NRXN1: variants seen among roughly 807,000 people sequenced by gnomAD.
NRXN1 encodes neurexin-1.
Under a neutral mutation model 150.9 loss-of-function variants are expected in NRXN1, and 39 were observed. The ratio of observed to expected loss-of-function variants is 0.26; its 90% CI spans 0.20 to 0.34. The LOEUF is 0.34. NRXN1 is among the 10% of genes least tolerant of loss of function. NRXN1 has a pLI of 1.00. For synonymous variants in NRXN1, 924 were observed against 757.0 expected (o/e 1.22, Z -3.62); for missense variants, 1,815 against 1,949.9 (o/e 0.93, Z 1.30).
At chr2:51,019,216 C>T (rs1043991892) in intron 2 of NRXN1, among the ~76,000 whole-genome samples, 7 of 152,100 alleles carry the variant, frequency 4.6e-5, no homozygotes, top group South Asian at 2.1e-4. Flanking sequence ...CAAATCCCAG[C>T]TCTGCCATTT....
In NRXN1 at chr2:50,282,199, C is replaced by T. The variant is rs570233009; in HGVS notation, c.3365-45229G>A. ...TAGGTAGAGCCTGTATCATAAAGAG[C>T]TTTATATGCCATGCTAAGGATTTTG... On this transcript the variant is annotated intron_variant, in intron 17 of 22. Coordinates refer to ENST00000401669, the MANE Select transcript of NRXN1 (RefSeq NM_001330078.2). Among the ~76,000 whole-genome samples the T allele has an allele frequency of 5.9e-5, 9 of 152,194 alleles. No homozygotes were observed. In the East Asian group the frequency reaches 1.7e-3, roughly 29 times the overall value.
At chr2:50,922,566 A>G (rs2104290115) in intron 4 of NRXN1, 92 bp downstream of exon 4, 9 of 1,192,368 alleles carry the variant, frequency 7.5e-6, no homozygotes, top group Admixed American at 3.8e-5. Flanking sequence ...ATAATTTGCA[A>G]GCATTTGCCC....
intron 2 of NRXN1, among the ~76,000 whole-genome samples, chr2:51,003,634 C>A (rs947399525): frequency 6.6e-6 from 1 of 151,884 alleles, no homozygotes; most frequent in Non-Finnish European, 1.5e-5. Context: ...AAACTAGATG[C>A]ACTACATGTA....
chr2:50,501,400 A>AGTGT (rs368765670), intron 13 of NRXN1, among the ~76,000 whole-genome samples: 21,667 of 147,960 alleles, frequency 0.15, 2,187 homozygotes, highest in East Asian at 0.32. Flanking sequence ...TGTGTGTGTG[A>AGTGT]GTGTGTGTGT....
intron 18 of NRXN1, among the ~76,000 whole-genome samples, chr2:50,107,213 C>T (rs1047850185): frequency 2.0e-5 from 3 of 149,500 alleles, no homozygotes; most frequent in South Asian, 2.1e-4. Flanking sequence ...TTACTTTTAA[C>T]CCAACTTAAT....
At chr2:51,030,967 G>A (rs957972550) in intron 1 of NRXN1, among the ~76,000 whole-genome samples, 75 of 149,108 alleles carry the variant, frequency 5.0e-4, no homozygotes, top group African/African-American at 1.7e-3. Context: ...TTTTTCTCCC[G>A]TCCCTCCTGC....
At chr2:50,558,183 T>G (rs1025890357) in intron 8 of NRXN1, among the ~76,000 whole-genome samples, 2 of 152,198 alleles carry the variant, frequency 1.3e-5, no homozygotes, top group African/African-American at 4.8e-5. Flanking sequence ...ATAGGTATAA[T>G]TATTTCCTAT....
At chr2:50,861,958 T>G (rs1233120423) in intron 5 of NRXN1, among the ~76,000 whole-genome samples, 1 of 151,982 alleles carries the variant, frequency 6.6e-6, no homozygotes, top group Non-Finnish European at 1.5e-5. Context: ...TCCCAGCAAT[T>G]TGGGAGGCTG....
At chr2:50,341,101 G>A (rs909603829) in intron 17 of NRXN1, among the ~76,000 whole-genome samples, 9 of 152,178 alleles carry the variant, frequency 5.9e-5, no homozygotes, top group African/African-American at 1.7e-4. Context: ...TATTCCATAG[G>A]AGGAGGAAGA....
intron 17 of NRXN1, among the ~76,000 whole-genome samples, chr2:50,249,533 A>C (rs2152896314): frequency 6.6e-6 from 1 of 152,288 alleles, no homozygotes. Context: ...ACTATGTATA[A>C]AGCACCATGC....
intron 2 of NRXN1, among the ~76,000 whole-genome samples, chr2:50,972,374 A>G (rs1036385990): frequency 6.6e-6 from 1 of 152,074 alleles, no homozygotes; most frequent in Admixed American, 6.6e-5. Flanking sequence ...TCTATATGCC[A>G]CTTTGTGGGA....
chr2:50,870,616 C>A lies in NRXN1; in HGVS notation c.832+51253G>T, dbSNP rs1034691228. On this transcript the variant is annotated intron_variant, in intron 5 of 22. Coordinates refer to ENST00000401669, the MANE Select transcript of NRXN1 (RefSeq NM_001330078.2). Reference sequence around the variant, plus strand: ...CAGAAATTACTTTCCTATCACCACACTTTTGAGCTTGTAACCCATGTGTTG... The same window carrying A: ...CAGAAATTACTTTCCTATCACCACAATTTTGAGCTTGTAACCCATGTGTTG... 7.9e-5 allele frequency among the ~76,000 whole-genome samples: 12 copies of A among 152,070 alleles called. No homozygotes were observed. In the East Asian group the frequency reaches 2.1e-3, roughly 27 times the overall value.
chr2:50,242,128 T>C (rs887133178), intron 17 of NRXN1, among the ~76,000 whole-genome samples: 2 of 151,800 alleles, frequency 1.3e-5, no homozygotes, highest in African/African-American at 2.4e-5. Flanking sequence ...AATATAACAC[T>C]TCCTTCAGTG....
chr2:50,102,377 C>T (rs891644403), intron 18 of NRXN1, among the ~76,000 whole-genome samples: 9 of 151,932 alleles, frequency 5.9e-5, no homozygotes, highest in African/African-American at 2.2e-4. Context: ...ATTTATTTTC[C>T]TCAATTGCAT....
Position 51,028,030 on chromosome 2 carries a change from T to G in NRXN1, c.244A>C (p.Ile82Leu). The change falls in exon 2 of 23, where the codon ATT becomes CTT. Residue 82 changes from isoleucine (I) to leucine (L), a missense_variant. Ile to Leu is a conservative substitution (Grantham distance 5, BLOSUM62 2). Around this residue, in one of 6 missense-constraint regions of NRXN1, gnomAD observed 554 missense variants for 478.8 expected, o/e 1.16. Transcript: ENST00000401669. ...TGCAGGCGGCCGCCGCGCGTCAGAA[T>G]CAGCTCCAGGAAGTCGCAGAAGCCC... ...DEGFCDFLEL[I>L]LTRGGRLQLS... is the part of the protein sequence containing the mutation. 1.2e-6 allele frequency: 2 copies of G among 1,600,028 alleles called. No individual in the cohort carries two copies. Among genetic ancestry groups the G allele is most frequent in the Non-Finnish European group, 1.7e-6 (2 of 1,177,596 alleles).
chr2:50,985,144 C>G (rs1228745695), intron 2 of NRXN1, among the ~76,000 whole-genome samples: 1 of 151,908 alleles, frequency 6.6e-6, no homozygotes, highest in Non-Finnish European at 1.5e-5. Context: ...TGAAGTAAAT[C>G]TGTAGATTAC....
chr2:50,019,970 A>G (rs1164895041), intron 21 of NRXN1, among the ~76,000 whole-genome samples: 2 of 129,078 alleles, frequency 1.5e-5, no homozygotes, highest in Admixed American at 7.6e-5. Flanking sequence ...AAAAAAAAAA[A>G]AAAGAGAGAG....
At chr2:50,605,102 C>CA (rs981935683) in intron 8 of NRXN1, among the ~76,000 whole-genome samples, 65 of 152,222 alleles carry the variant, frequency 4.3e-4, no homozygotes, top group African/African-American at 1.5e-3. Context: ...AGAGATAATT[C>CA]AAAGGTGAGA....
chr2:50,789,434 C>T (rs1346825369), intron 5 of NRXN1, among the ~76,000 whole-genome samples: 4 of 152,162 alleles, frequency 2.6e-5, no homozygotes, highest in African/African-American at 9.7e-5. Flanking sequence ...CTAACTCCTA[C>T]GTCTTTCATC....
Sources: allele counts gnomAD v4.1 joint callset (sites outside exome capture counted in the v4.1 genomes callset), GRCh38; gene constraint gnomAD v4.1.1; regional missense constraint gnomAD v4.1.1; transcripts MANE v1.5; gene names NCBI Gene and HGNC (gene_info 2026-07-23, HGNC 2026-07-21).